The following HTR1E variants were observed in gnomAD, a reference collection of about 807,000 sequenced individuals.
HTR1E encodes the protein 5-hydroxytryptamine receptor 1E, also known as 5-HT-1E.
HTR1E carries 3 observed loss-of-function variants against 3.4 expected under a neutral mutation model. The observed-to-expected ratio is 0.89, with a 90% confidence interval of 0.41 to 2.31. The LOEUF (loss-of-function observed/expected upper bound fraction) is 2.31. Among genes scored for constraint, HTR1E ranks in the 30% most tolerant of loss-of-function variants. The probability of loss-of-function intolerance (pLI) is 0.05; values close to 1 mark genes in which losing one functional copy is unlikely to be tolerated. For synonymous variants in HTR1E, 170 were observed against 182.8 expected (o/e 0.93, Z 0.56); for missense variants, 392 against 467.0 (o/e 0.84, Z 1.48).
intron 1 of HTR1E, among the ~76,000 whole-genome samples, chr6:87,014,067 A>T (rs1768278797): frequency 1.3e-5 from 2 of 152,054 alleles, no homozygotes; most frequent in Admixed American, 1.3e-4. Context: ...CAATGAGAAC[A>T]CCTGGACACA....
intron 1 of HTR1E, among the ~76,000 whole-genome samples, chr6:86,963,498 C>G (rs895794163): frequency 6.6e-6 from 1 of 152,150 alleles, no homozygotes; most frequent in Non-Finnish European, 1.5e-5. Context: ...TTTAGAAAGT[C>G]TACAGTAGTG....
In HTR1E at chr6:87,015,796, C is replaced by T. The variant is rs535298998; in HGVS notation, c.462C>T (p.Ser154=). The T allele has an allele frequency of 3.1e-6, 5 of 1,611,782 alleles. No individual in the cohort carries two copies. The highest frequency in any genetic ancestry group is 3.3e-5 in the Admixed American group (2 of 59,884). ...TCTGGACCATCTCCATTTTCATCTC[C>T]ATGCCCCCTCTGTTCTGGAGAAGCC... ...LTVWTISIFI[S]MPPLFWRSHR... The change falls in exon 2 of 2, where the codon TCC becomes TCT. Residue 154 remains serine, a synonymous_variant. Transcript: ENST00000305344.
intron 1 of HTR1E, among the ~76,000 whole-genome samples, chr6:86,972,999 G>A (rs944051176): frequency 2.6e-5 from 4 of 152,140 alleles, no homozygotes; most frequent in East Asian, 1.9e-4. Flanking sequence ...ACAGAAGCAC[G>A]TTCTACCACT....
At chr6:86,999,722 G>A (rs1767992951) in intron 1 of HTR1E, among the ~76,000 whole-genome samples, 2 of 152,274 alleles carry the variant, frequency 1.3e-5, no homozygotes, top group South Asian at 4.1e-4. Context: ...CTTGGGAAAT[G>A]CAATCCTAGA....
At chr6:86,948,114 A>G (rs1010691304) in intron 1 of HTR1E, among the ~76,000 whole-genome samples, 32 of 152,100 alleles carry the variant, frequency 2.1e-4, no homozygotes, top group African/African-American at 7.7e-4. Context: ...ACTCCCACTT[A>G]TGAGTGAGAA....
chr6:87,002,332 G>A (rs1768035882), intron 1 of HTR1E, among the ~76,000 whole-genome samples: 1 of 152,200 alleles, frequency 6.6e-6, no homozygotes, highest in Non-Finnish European at 1.5e-5. Context: ...AGCTCTTAAT[G>A]GTGGTGTGGA....
intron 1 of HTR1E, among the ~76,000 whole-genome samples, chr6:86,950,841 G>A (rs1463240987): frequency 6.6e-6 from 1 of 152,146 alleles, no homozygotes; most frequent in Non-Finnish European, 1.5e-5. Context: ...CATACACATT[G>A]GGGTAAACCA....
At chr6:86,962,292 C>A (rs1267153643) in intron 1 of HTR1E, among the ~76,000 whole-genome samples, 1 of 152,124 alleles carries the variant, frequency 6.6e-6, no homozygotes, top group Non-Finnish European at 1.5e-5. Flanking sequence ...CAGTGCAAAT[C>A]ATCTTATCAG....
chr6:87,011,808 A>T (rs1443472958), intron 1 of HTR1E, among the ~76,000 whole-genome samples: 5 of 152,178 alleles, frequency 3.3e-5, no homozygotes, highest in African/African-American at 1.2e-4. Context: ...TTAATAAAAG[A>T]TTTGTAAATA....
chr6:86,991,118 A>AT (rs1453328132), intron 1 of HTR1E, among the ~76,000 whole-genome samples: 2 of 152,082 alleles, frequency 1.3e-5, no homozygotes, highest in African/African-American at 4.8e-5. Flanking sequence ...TCAGGGGGAC[A>AT]TTTTTTTCTA....
intron 1 of HTR1E, among the ~76,000 whole-genome samples, chr6:86,948,047 C>T (rs113393449): frequency 0.017 from 2,537 of 152,156 alleles, 61 homozygotes; most frequent in African/African-American, 0.057. Flanking sequence ...CTCCACCCCG[C>T]GACAGGCCCC....
chr6:86,946,909 G>C (rs1768624664), intron 1 of HTR1E, among the ~76,000 whole-genome samples: 1 of 152,110 alleles, frequency 6.6e-6, no homozygotes, highest in Admixed American at 6.5e-5. Context: ...CTGAGGTCAG[G>C]AGTTTGAGAC....
chr6:86,984,003 AAATT>A (rs1275225780), intron 1 of HTR1E, among the ~76,000 whole-genome samples: 5 of 152,166 alleles, frequency 3.3e-5, no homozygotes, highest in African/African-American at 1.2e-4. Flanking sequence ...CCCCCTGATT[AAATT>A]CAAATTTATG....
rs376697328 is a variant in HTR1E, at chr6:86,953,974, A to G, written c.-186+16151A>G. Among the ~76,000 whole-genome samples the G allele has an allele frequency of 2.7e-4, 41 of 152,312 alleles. No individual in the cohort carries two copies. In the East Asian group the frequency reaches 6.6e-3, roughly 24 times the overall value. ...ACTCACTCACTACCATGAGAACAGC[A>G]GAGGGAAATCCACCCCCATGATTCA... On this transcript the variant is annotated intron_variant, in intron 1 of 1. Transcript: ENST00000305344.
rs1020240678 is a variant in HTR1E, at chr6:86,983,863, C to A, written c.-185-31287C>A. Among the ~76,000 whole-genome samples, 3 of 151,900 alleles carry A rather than the reference C, an allele frequency of 2.0e-5. No individual in the cohort carries two copies. In the East Asian group the frequency reaches 5.8e-4, roughly 29 times the overall value. On this transcript the variant is annotated intron_variant, in intron 1 of 1. Transcript: ENST00000305344. ...TTCATTTTACTAAACAATTAGTTTT[C>A]AAAAATAACCAATATATAAAACTGA... is the stretch of plus-strand genomic sequence containing the variant.
At chr6:86,996,130 T>C (rs1767937247) in intron 1 of HTR1E, among the ~76,000 whole-genome samples, 1 of 152,132 alleles carries the variant, frequency 6.6e-6, no homozygotes, top group Non-Finnish European at 1.5e-5. Context: ...CAAGATCTAA[T>C]CAATATTTAT....
At chr6:86,972,788 C>T (rs895202780) in intron 1 of HTR1E, among the ~76,000 whole-genome samples, 1 of 152,104 alleles carries the variant, frequency 6.6e-6, no homozygotes, top group Admixed American at 6.6e-5. Flanking sequence ...GAAAATCTGC[C>T]AGTGATTACT....
At chr6:86,975,537 C>G (rs751805790) in intron 1 of HTR1E, among the ~76,000 whole-genome samples, 2 of 152,028 alleles carry the variant, frequency 1.3e-5, no homozygotes, top group African/African-American at 4.8e-5. Flanking sequence ...GCCACCCACC[C>G]CCTGTGATAT....
rs1297927194 is a variant in HTR1E, at chr6:86,959,670, C to T, written c.-186+21847C>T. ...TGGAGCCTTAGCTGTGTAGGTAACA[C>T]AGAGAGTATCCTGTGGTGAAAAAAT... is the stretch of plus-strand genomic sequence containing the variant. On this transcript the variant is annotated intron_variant, in intron 1 of 1. Transcript: ENST00000305344. Among the ~76,000 whole-genome samples, 3 of 152,272 alleles carry T rather than the reference C, an allele frequency of 2.0e-5. No individual in the cohort carries two copies. The South Asian group carries it at 6.2e-4, about 32-fold the overall frequency.
Sources: allele counts gnomAD v4.1 joint callset (sites outside exome capture counted in the v4.1 genomes callset), GRCh38; gene constraint gnomAD v4.1.1; transcripts MANE v1.5; gene names NCBI Gene and HGNC (gene_info 2026-07-23, HGNC 2026-07-21).